AGMO: variants seen among roughly 807,000 people sequenced by gnomAD.
AGMO encodes glyceryl-ether monooxygenase.
AGMO carries 75 observed loss-of-function variants against 60.2 expected under a neutral mutation model. That is an observed-to-expected ratio of 1.25 (90% confidence interval 1.03 to 1.51). AGMO has a LOEUF of 1.51. Among genes scored for constraint, AGMO ranks in the 40% most tolerant of loss-of-function variants. The pLI is 0.00. For synonymous variants in AGMO, 261 were observed against 177.1 expected (o/e 1.47, Z -3.76); for missense variants, 763 against 525.5 (o/e 1.45, Z -4.42).
chr7:15,139,405 G>A, the AGMO span, among the ~76,000 whole-genome samples: 7 of 152,116 alleles, frequency 4.6e-5, no homozygotes, highest in Admixed American at 2.0e-4. Flanking sequence ...GTGCAGGTTC[G>A]TTATACAGGT....
At chr7:15,542,679 T>A (rs16878529) in intron 3 of AGMO, among the ~76,000 whole-genome samples, 4 of 152,152 alleles carry the variant, frequency 2.6e-5, no homozygotes, top group African/African-American at 9.7e-5. Flanking sequence ...GAGTTTATTT[T>A]AGGGAGAAAA....
Position 15,394,182 on chromosome 7 carries a change from G to C in AGMO, c.610-3C>G. ...AAAGGACCAAGGTTATTGATGACCT[G>C]TTTAAAACAGAAGGAATATTTATAC... On this transcript the variant is annotated splice_polypyrimidine_tract_variant and splice_region_variant and intron_variant, in intron 5 of 12. Coordinates refer to ENST00000342526, the MANE Select transcript of AGMO (RefSeq NM_001004320.2). 1 of 1,588,366 alleles carries C rather than the reference G, an allele frequency of 6.3e-7. No homozygotes were observed. The highest frequency in any genetic ancestry group is 8.6e-7 in the Non-Finnish European group (1 of 1,157,240).
At chr7:15,188,779 T>TAAGTCTTTCAAA in the AGMO span, among the ~76,000 whole-genome samples, 2 of 151,608 alleles carry the variant, frequency 1.3e-5, no homozygotes, top group South Asian at 2.1e-4. Flanking sequence ...GTGTGGTTAG[T>TAAGTCTTTCAAA]GTCAGATGCT....
chr7:15,315,211 G>A (rs1047832003), intron 12 of AGMO, among the ~76,000 whole-genome samples: 4 of 151,484 alleles, frequency 2.6e-5, no homozygotes, highest in Non-Finnish European at 5.9e-5. Flanking sequence ...TTATTGCAAG[G>A]TACTAAGTTT....
At chr7:15,434,664 A>G (rs1781348638) in intron 3 of AGMO, among the ~76,000 whole-genome samples, 1 of 152,092 alleles carries the variant, frequency 6.6e-6, no homozygotes, top group Non-Finnish European at 1.5e-5. Flanking sequence ...GAGCATTCCA[A>G]TGACACTGCA....
chr7:15,341,145 A>G (rs1433528654), intron 12 of AGMO, among the ~76,000 whole-genome samples: 2 of 152,140 alleles, frequency 1.3e-5, no homozygotes, highest in Non-Finnish European at 2.9e-5. Flanking sequence ...CTTGGTGATT[A>G]ACATTTGGCT....
rs538493524 is a variant in AGMO at position 15,495,824 on chromosome 7, C to G, written c.409+48948G>C. ...CTTTGTAAGTGGGGATGGAGACTCT[C>G]TCTCTCTCTCTCTCTCTCCTCTCTC... On this transcript the variant is annotated intron_variant, in intron 3 of 12. Transcript: ENST00000342526. 4.2e-3 allele frequency among the ~76,000 whole-genome samples: 391 copies of G among 94,082 alleles called. 2 individuals carry two copies. Among genetic ancestry groups the G allele is most frequent in the African/African-American group, 0.011 (375 of 34,574 alleles). The allele number at this position is 94,082 out of a possible 152,430, so 61.7% of individuals were successfully genotyped here. A position where few individuals can be genotyped will look rare whatever the true frequency, so the allele number is the denominator to read the frequency against.
intron 5 of AGMO, among the ~76,000 whole-genome samples, chr7:15,395,760 T>C (rs931767671): frequency 6.6e-6 from 1 of 152,234 alleles, no homozygotes; most frequent in African/African-American, 2.4e-5. Flanking sequence ...AAATCCTCAC[T>C]AATCCAACTG....
At chr7:15,222,083 T>A (rs1045736852) in intron 12 of AGMO, among the ~76,000 whole-genome samples, 14 of 152,274 alleles carry the variant, frequency 9.2e-5, no homozygotes, top group African/African-American at 3.4e-4. Flanking sequence ...TCTAAAATGC[T>A]ATTATTGGAG....
chr7:15,413,492 T>C (rs1780673595), intron 5 of AGMO, among the ~76,000 whole-genome samples: 2 of 152,154 alleles, frequency 1.3e-5, no homozygotes, highest in African/African-American at 2.4e-5. Flanking sequence ...CCCAGATTAA[T>C]GTTTTTTAAA....
intron 12 of AGMO, among the ~76,000 whole-genome samples, chr7:15,280,078 G>A (rs929938749): frequency 1.3e-5 from 2 of 152,204 alleles, no homozygotes; most frequent in Non-Finnish European, 2.9e-5. Context: ...ATCAGGGGGT[G>A]AGTGAGAAGC....
At chr7:15,386,595 TG>T (rs1214334522) in intron 9 of AGMO, among the ~76,000 whole-genome samples, 71 of 152,236 alleles carry the variant, frequency 4.7e-4, no homozygotes, top group Middle Eastern at 3.4e-3. Flanking sequence ...AATGAGAAAA[TG>T]TCATTATTTA....
chr7:15,334,096 T>C (rs1346579722), intron 12 of AGMO, among the ~76,000 whole-genome samples: 1 of 152,130 alleles, frequency 6.6e-6, no homozygotes, highest in African/African-American at 2.4e-5. Flanking sequence ...CAAGTGCCTA[T>C]ATTTTCTTAT....
chr7:15,495,339 C>G (rs1335206912), intron 3 of AGMO, among the ~76,000 whole-genome samples: 1 of 152,040 alleles, frequency 6.6e-6, no homozygotes, highest in East Asian at 1.9e-4. Context: ...CTACCCTTTC[C>G]TTTTTATGTT....
At chr7:15,187,346 T>G in the AGMO span, among the ~76,000 whole-genome samples, 2 of 152,196 alleles carry the variant, frequency 1.3e-5, no homozygotes, top group Non-Finnish European at 2.9e-5. Context: ...ACCAGTATGC[T>G]GAAAAAACAG....
chr7:15,366,786 C>T (rs1783002188), intron 10 of AGMO, among the ~76,000 whole-genome samples: 1 of 151,960 alleles, frequency 6.6e-6, no homozygotes, highest in African/African-American at 2.4e-5. Context: ...TTAGTGTGCT[C>T]TTCATGTTAA....
At chr7:15,415,200 C>T (rs1194649564) in intron 5 of AGMO, among the ~76,000 whole-genome samples, 1 of 151,786 alleles carries the variant, frequency 6.6e-6, no homozygotes, top group Non-Finnish European at 1.5e-5. Context: ...TGGTTCATGC[C>T]ATCCTCCTGC....
intron 2 of AGMO, among the ~76,000 whole-genome samples, chr7:15,557,630 AT>A (rs143727522): frequency 0.097 from 14,646 of 151,638 alleles, 2,356 homozygotes; most frequent in African/African-American, 0.34. Context: ...AAATAAAAAT[AT>A]TTTTCACCAT....
chr7:15,405,807 T>A (rs1334339255), intron 5 of AGMO, among the ~76,000 whole-genome samples: 1 of 151,864 alleles, frequency 6.6e-6, no homozygotes, highest in Non-Finnish European at 1.5e-5. Context: ...AAACAGTCTC[T>A]TTTGGGTTCT....
Sources: allele counts gnomAD v4.1 joint callset (sites outside exome capture counted in the v4.1 genomes callset), GRCh38; gene constraint gnomAD v4.1.1; transcripts MANE v1.5; gene names NCBI Gene and HGNC (gene_info 2026-07-23, HGNC 2026-07-21).